Variants in CHST11 observed in about 807,000 individuals in gnomAD.
CHST11 encodes the protein C4S-1.
CHST11 carries 9 observed loss-of-function variants against 30.4 expected under a neutral mutation model. That is an observed-to-expected ratio of 0.30 (90% CI 0.18 to 0.52). The LOEUF is 0.52. Among genes scored for constraint, CHST11 ranks in the 20% least tolerant of loss-of-function variants. The pLI is 0.97. For missense variants in CHST11, 348 were observed against 460.6 expected, an observed-to-expected ratio of 0.76 and a Z score of 2.24; for synonymous variants, 152 against 187.8, an observed-to-expected ratio of 0.81 and a Z score of 1.56.
At chr12:104,592,285 T>C (rs1439557001) in intron 1 of CHST11, among the ~76,000 whole-genome samples, 1 of 152,240 alleles carries the variant, frequency 6.6e-6, no homozygotes, top group Non-Finnish European at 1.5e-5. Flanking sequence ...TACAACAAAA[T>C]ACCATAAACT....
At chr12:104,625,915 C>G (rs925450190) in intron 2 of CHST11, among the ~76,000 whole-genome samples, 13 of 152,154 alleles carry the variant, frequency 8.5e-5, no homozygotes, top group African/African-American at 3.1e-4. Flanking sequence ...ATTTGTGAAA[C>G]AAATTAATAG....
intron 1 of CHST11, among the ~76,000 whole-genome samples, chr12:104,582,556 C>T (rs907956703): frequency 2.3e-4 from 35 of 152,158 alleles, no homozygotes; most frequent in African/African-American, 8.4e-4. Flanking sequence ...TAAGTTCTTT[C>T]TGTGCATTTC....
chr12:104,754,928 G>A (rs747280851), intron 2 of CHST11, among the ~76,000 whole-genome samples: 1 of 152,196 alleles, frequency 6.6e-6, no homozygotes. Context: ...ACCTGTGAAG[G>A]TGCCTCCTAC....
chr12:104,684,166 A>G (rs2039823809), intron 2 of CHST11, among the ~76,000 whole-genome samples: 1 of 152,216 alleles, frequency 6.6e-6, no homozygotes, highest in South Asian at 2.1e-4. Context: ...CTGTGCGTAG[A>G]CGCATGGGTG....
At chr12:104,501,823 T>C (rs1458015417) in intron 1 of CHST11, among the ~76,000 whole-genome samples, 1 of 152,156 alleles carries the variant, frequency 6.6e-6, no homozygotes, top group East Asian at 1.9e-4. Flanking sequence ...AAGAAAGTCA[T>C]TGGCAAATCA....
At chr12:104,627,009 TC>T (rs1292281151) in intron 2 of CHST11, among the ~76,000 whole-genome samples, 10 of 151,934 alleles carry the variant, frequency 6.6e-5, no homozygotes, top group Non-Finnish European at 1.3e-4. Flanking sequence ...CATCCCTCCC[TC>T]CCCCCAAGCA....
chr12:104,474,892 A>G (rs2037542943), intron 1 of CHST11, among the ~76,000 whole-genome samples: 1 of 152,154 alleles, frequency 6.6e-6, no homozygotes, highest in Non-Finnish European at 1.5e-5. Context: ...AGGTCCTTGG[A>G]CGGCGGTAGG....
intron 2 of CHST11, among the ~76,000 whole-genome samples, chr12:104,742,008 G>A (rs905703386): frequency 1.6e-4 from 24 of 152,108 alleles, no homozygotes; most frequent in African/African-American, 5.3e-4. Flanking sequence ...TCCTGCCCCC[G>A]GCACTTGGGA....
At chr12:104,671,750 TTC>T in intron 2 of CHST11, among the ~76,000 whole-genome samples, 1 of 152,028 alleles carries the variant, frequency 6.6e-6, no homozygotes, top group East Asian at 1.9e-4. Flanking sequence ...CTCTCTCTTT[TTC>T]TCTCTCTCTC....
chr12:104,538,938 C>A (rs1359161484), intron 1 of CHST11, among the ~76,000 whole-genome samples: 1 of 152,202 alleles, frequency 6.6e-6, no homozygotes, highest in Non-Finnish European at 1.5e-5. Flanking sequence ...TATGCCAACT[C>A]ATTGAATCCA....
At chr12:104,619,984 C>T (rs867390306) in intron 2 of CHST11, among the ~76,000 whole-genome samples, 1 of 152,130 alleles carries the variant, frequency 6.6e-6, no homozygotes, top group African/African-American at 2.4e-5. Flanking sequence ...CTCCTCAGCC[C>T]GGAAGCTTTG....
rs1158685730 is a variant in CHST11 at position 104,492,397 on chromosome 12, A to C, written c.118+34868A>C. On this transcript the variant is annotated intron_variant, in intron 1 of 2. Transcript: ENST00000303694. Reference sequence around the variant, plus strand: ...TTTAAAGGCATGTATCACTCTCTGAAAATTAGCTTCTTTCTTCTTTTTCCT... The same window carrying C: ...TTTAAAGGCATGTATCACTCTCTGACAATTAGCTTCTTTCTTCTTTTTCCT... Among the ~76,000 whole-genome samples the C allele has an allele frequency of 2.0e-5, 3 of 152,180 alleles. No homozygotes were observed. The East Asian group carries it at 5.8e-4, about 29-fold the overall frequency.
intron 1 of CHST11, among the ~76,000 whole-genome samples, chr12:104,531,303 A>G (rs913077644): frequency 2.6e-5 from 4 of 152,220 alleles, no homozygotes; most frequent in African/African-American, 9.6e-5. Context: ...AGCCTGGGCA[A>G]CATAGTGGGA....
Position 104,729,703 on chromosome 12 carries a change from G to A in CHST11, c.205-27246G>A, listed in dbSNP as rs972991289. ...AGAAGTGGGTGTGCAGAATCGTACG[G>A]TGTGCAGACGGTGGCCTGGTGAAGT... On this transcript the variant is annotated intron_variant, in intron 2 of 2. Coordinates refer to ENST00000303694, the MANE Select transcript of CHST11 (RefSeq NM_018413.6). This position sits in a 1 kb window ranked among gnomAD's most constrained non-coding sequence, Gnocchi z 4.0. 6.6e-6 allele frequency among the ~76,000 whole-genome samples: 1 copy of A among 152,202 alleles called. No individual in the cohort carries two copies. The highest frequency in any genetic ancestry group is 2.4e-5 in the African/African-American group (1 of 41,448).
chr12:104,515,636 A>G (rs2038015044), intron 1 of CHST11, among the ~76,000 whole-genome samples: 1 of 152,164 alleles, frequency 6.6e-6, no homozygotes, highest in African/African-American at 2.4e-5. Flanking sequence ...CCTGGAGCTT[A>G]CAGTCTAGGG....
At chr12:104,556,327 G>T (rs1416491039) in intron 1 of CHST11, among the ~76,000 whole-genome samples, 1 of 152,120 alleles carries the variant, frequency 6.6e-6, no homozygotes, top group African/African-American at 2.4e-5. Flanking sequence ...GAGATTATAT[G>T]AGGGCTACAG....
rs78761918 is a variant in CHST11, at chr12:104,757,934, A to C, written c.*131A>C. 1.8e-3 allele frequency: 1,839 copies of C among 1,013,602 alleles called. 22 individuals carry two copies. In the African/African-American group the frequency reaches 0.027, roughly 15 times the overall value. 62.8% of individuals were successfully genotyped at this position (1,013,602 alleles called of 1,614,324 possible). On this transcript the variant is annotated 3_prime_UTR_variant, in exon 3 of 3. Coordinates refer to ENST00000303694, the MANE Select transcript of CHST11 (RefSeq NM_018413.6). The surrounding 1 kb of genome is among the most constrained non-coding windows in gnomAD (Gnocchi z 6.5). ...GGATGATGCTGCGAGCAGCATAGTG[A>C]GAATTATTTAAAATCCTTCGTAGGG...
chr12:104,668,828 C>T (rs932008682), intron 2 of CHST11, among the ~76,000 whole-genome samples: 1 of 152,172 alleles, frequency 6.6e-6, no homozygotes, highest in African/African-American at 2.4e-5. Context: ...GGAACCAATA[C>T]AGTTGTTTTC....
At chr12:104,563,036 GTTGTTTGT>G (rs763825096) in intron 1 of CHST11, among the ~76,000 whole-genome samples, 3 of 151,916 alleles carry the variant, frequency 2.0e-5, no homozygotes, top group Non-Finnish European at 4.4e-5. Context: ...TTTTGTTGTT[GTTGTTTGT>G]TTGTTTGTTT....
Sources: allele counts gnomAD v4.1 joint callset (sites outside exome capture counted in the v4.1 genomes callset), GRCh38; gene constraint gnomAD v4.1.1; non-coding constraint Gnocchi (gnomAD v3.1); transcripts MANE v1.5; gene names NCBI Gene and HGNC (gene_info 2026-07-23, HGNC 2026-07-21).